VPS26B: variants seen among roughly 807,000 people sequenced by gnomAD.
The protein encoded by VPS26B is VPS26 retromer complex component B, also known as vacuolar protein sorting-associated protein 26B.
VPS26B carries 10 observed loss-of-function variants against 33.3 expected under a neutral mutation model. The observed-to-expected ratio is 0.30, with a 90% CI of 0.19 to 0.51. VPS26B has a LOEUF of 0.51. Ranked by LOEUF, VPS26B falls within the 20% of genes least tolerant of loss-of-function variation. The probability of loss-of-function intolerance (pLI) is 0.98; values close to 1 mark genes in which losing one functional copy is unlikely to be tolerated. For synonymous variants in VPS26B, 190 were observed against 176.9 expected, an observed-to-expected ratio of 1.07 and a Z score of -0.59; for missense variants, 317 against 452.7, an observed-to-expected ratio of 0.70 and a Z score of 2.72.
Position 134,224,850 on chromosome 11 carries a change from C to T in VPS26B, c.-273C>T, listed in dbSNP as rs943486553. 7 of 162,146 alleles carry T rather than the reference C, an allele frequency of 4.3e-5. No individual in the cohort carries two copies. Among genetic ancestry groups the T allele is most frequent in the Non-Finnish European group, 9.3e-5 (7 of 75,004 alleles). The allele number at this position is 162,146 out of a possible 1,614,324, so 10.0% of individuals were successfully genotyped here. ...CCACTGCCACCGGCCGCGGGACTGGCTGGGACTGGCTCGGCCGAGGGCACT... is the reference window on the plus strand; with the variant it reads ...CCACTGCCACCGGCCGCGGGACTGGTTGGGACTGGCTCGGCCGAGGGCACT... On this transcript the variant is annotated 5_prime_UTR_variant, in exon 1 of 6. Coordinates refer to ENST00000281187, the MANE Select transcript of VPS26B (RefSeq NM_052875.5).
At position 134,229,152 on chromosome 11, in the gene VPS26B, C is replaced by T. The variant is rs552092230; in HGVS notation, c.223+3807C>T. 1.8e-4 allele frequency among the ~76,000 whole-genome samples: 27 copies of T among 152,296 alleles called. No homozygotes were observed. The East Asian group carries it at 3.5e-3, about 20-fold the overall frequency. On this transcript the variant is annotated intron_variant, in intron 1 of 5. Transcript: ENST00000281187. ...TCAAGCAATCCTCCCATCTCTGCCT[C>T]CCAAGTAGCTGAGACTACAGGTGCA... is the stretch of plus-strand genomic sequence containing the variant.
Position 134,244,981 on chromosome 11 carries a change from C to T in VPS26B, c.765C>T (p.Leu255=). The T allele has an allele frequency of 6.2e-7, 1 of 1,614,090 alleles. No individual in the cohort carries two copies. Among genetic ancestry groups the T allele is most frequent in the Non-Finnish European group, 8.5e-7 (1 of 1,180,032 alleles). Residue 255 remains leucine (L), a synonymous_variant, in exon 5 of 6, where the codon CTC becomes CTT. Transcript: ENST00000281187. This position sits in a 1 kb window ranked among gnomAD's most constrained non-coding sequence, Gnocchi z 4.0. ...PIRLFLAGYE[L]TPTMRDINKK... ...GGCTCTTCCTGGCCGGGTATGAGCT[C>T]ACGCCCACCATGCGGGACATCAACA...
At chr11:134,235,215 G>A in intron 2 of VPS26B, 162 bp downstream of exon 2, 1 of 871,190 alleles carries the variant, frequency 1.1e-6, no homozygotes, top group South Asian at 1.8e-5. Context: ...GGCCTTCTAG[G>A]AGGAAAGTGG....
intron 3 of VPS26B, 108 bp from the exon 4 acceptor site, chr11:134,243,011 A>C: frequency 2.8e-6 from 3 of 1,090,488 alleles, no homozygotes; most frequent in Non-Finnish European, 4.1e-6. Context: ...TGTGTCCTGC[A>C]ACTGGACGTT....
intron 4 of VPS26B, 163 bp downstream of exon 4, chr11:134,243,457 A>AG (rs1256989100): frequency 2.4e-6 from 2 of 819,302 alleles, no homozygotes; most frequent in Non-Finnish European, 3.7e-6. Flanking sequence ...AAGGAAGAAA[A>AG]GGAAGGCTGA....
chr11:134,226,979 TTC>T (rs1173654751), intron 1 of VPS26B, among the ~76,000 whole-genome samples: 3 of 152,162 alleles, frequency 2.0e-5, no homozygotes, highest in Non-Finnish European at 4.4e-5. Context: ...GAAGAGTGAG[TTC>T]CATGCCTTCT....
intron 1 of VPS26B, among the ~76,000 whole-genome samples, chr11:134,232,197 GA>G (rs71479597): frequency 0.56 from 84,938 of 151,944 alleles, 26,609 homozygotes; most frequent in South Asian, 0.74. Flanking sequence ...TGATTGGGAA[GA>G]ATGAAAGATG....
chr11:134,225,028 G>A lies in VPS26B; in HGVS notation c.-95G>A, dbSNP rs923497080. On this transcript the variant is annotated 5_prime_UTR_variant, in exon 1 of 6. Coordinates refer to ENST00000281187, the MANE Select transcript of VPS26B (RefSeq NM_052875.5). The stretch of plus-strand genomic sequence containing the variant: ...AGCCCCGCGGCGGCCGAGCGCGCTC[G>A]CGCATCGGGCCCTCTGGCCTTCTTT... 48 of 1,198,472 alleles carry A rather than the reference G, an allele frequency of 4.0e-5. No individual in the cohort carries two copies. Among genetic ancestry groups the A allele is most frequent in the Non-Finnish European group, 5.1e-5 (47 of 922,358 alleles). The allele number at this position is 1,198,472 out of a possible 1,614,324, so 74.2% of individuals were successfully genotyped here. A position where few individuals can be genotyped will look rare whatever the true frequency, so the allele number is the denominator to read the frequency against.
At position 134,243,383 on chromosome 11, in the gene VPS26B, C is replaced by G. The variant is rs1012190562; in HGVS notation, c.721+89C>G. 87 of 1,446,482 alleles carry G rather than the reference C, an allele frequency of 6.0e-5. No individual in the cohort carries two copies. The South Asian group carries it at 6.7e-4, about 11-fold the overall frequency. 89.6% of individuals were successfully genotyped at this position (1,446,482 alleles called of 1,614,324 possible). A position where few individuals can be genotyped will look rare whatever the true frequency, so the allele number is the denominator to read the frequency against. On this transcript the variant is annotated intron_variant, in intron 4 of 5. Transcript: ENST00000281187. The stretch of plus-strand genomic sequence containing the variant: ...GGAGGGGCTTGAGGGATTACACTGT[C>G]AAAATAAGATGTCCTCTTAACCTGT...
At chr11:134,229,258 A>T (rs1938523778) in intron 1 of VPS26B, among the ~76,000 whole-genome samples, 1 of 152,116 alleles carries the variant, frequency 6.6e-6, no homozygotes. Context: ...CTGGAACTCA[A>T]GCGATCCTCC....
Position 134,239,976 on chromosome 11 carries a change from T to C in VPS26B, c.381-15T>C. 6.2e-7 allele frequency: 1 copy of C among 1,614,018 alleles called. No homozygotes were observed. Among genetic ancestry groups the C allele is most frequent in the Non-Finnish European group, 8.5e-7 (1 of 1,179,972 alleles). On this transcript the variant is annotated splice_polypyrimidine_tract_variant and intron_variant, in intron 2 of 5. Coordinates refer to ENST00000281187, the MANE Select transcript of VPS26B (RefSeq NM_052875.5). Reference sequence around the variant, plus strand: ...GACTGGGAGTGTTTATTCATGACAGTTCCGTCTCCTACAGCTATTTCCTTC... The same window carrying C: ...GACTGGGAGTGTTTATTCATGACAGCTCCGTCTCCTACAGCTATTTCCTTC...
At chr11:134,225,944 A>G (rs1365771044) in intron 1 of VPS26B, among the ~76,000 whole-genome samples, 2 of 152,238 alleles carry the variant, frequency 1.3e-5, no homozygotes, top group African/African-American at 2.4e-5. Context: ...CATAATCTTC[A>G]GTCTAAATCT....
chr11:134,229,198 T>G (rs1005942874), intron 1 of VPS26B, among the ~76,000 whole-genome samples: 1 of 152,058 alleles, frequency 6.6e-6, no homozygotes, highest in African/African-American at 2.4e-5. Flanking sequence ...CCCAGCTAAT[T>G]TTTTAAATTT....
chr11:134,229,372 G>A (rs1377748754), intron 1 of VPS26B, among the ~76,000 whole-genome samples: 3 of 151,920 alleles, frequency 2.0e-5, no homozygotes, highest in Non-Finnish European at 4.4e-5. Context: ...GTTCTGACCC[G>A]ACCTCTCTTC....
chr11:134,225,476 A>G, intron 1 of VPS26B, 131 bp downstream of exon 1: 1 of 921,862 alleles, frequency 1.1e-6, no homozygotes, highest in Non-Finnish European at 1.7e-6. Flanking sequence ...CCTGGGGTTC[A>G]GCTACAAGTC....
In VPS26B at chr11:134,243,225, G is replaced by A; in HGVS notation, c.652G>A (p.Gly218Ser). ...CATCAAGCGAGAAACGACGGGTACA[G>A]GCCCCAACGTGTACCATGAGAATGA... ...DIIKRETTGTGPNVYHENDTI... is the reference protein window; with the variant it reads ...DIIKRETTGTSPNVYHENDTI... The change falls in exon 4 of 6, where the codon GGC becomes AGC. Residue 218 changes from glycine (G) to serine (S), a missense_variant. Transcript: ENST00000281187. 1 of 1,614,166 alleles carries A rather than the reference G, an allele frequency of 6.2e-7. No homozygotes were observed. The highest frequency in any genetic ancestry group is 8.5e-7 in the Non-Finnish European group (1 of 1,180,026).
chr11:134,227,812 A>G (rs1331135109), intron 1 of VPS26B, among the ~76,000 whole-genome samples: 165 of 152,318 alleles, frequency 1.1e-3, no homozygotes, highest in African/African-American at 3.9e-3. Flanking sequence ...CCTTTATAAA[A>G]TTATGGTAGT....
chr11:134,244,868 C>CA lies in VPS26B; in HGVS notation c.722-69dup. 1 of 1,558,998 alleles carries CA rather than the reference C, an allele frequency of 6.4e-7. No homozygotes were observed. The highest frequency in any genetic ancestry group is 8.6e-7 in the Non-Finnish European group (1 of 1,157,568). ...ACTCCAGTGGCATCTCTGCAGTGGT[C>CA]AGAGTGACCTGGTATAAGGGAGAGG... On this transcript the variant is annotated intron_variant, in intron 4 of 5. Transcript: ENST00000281187. The surrounding 1 kb of genome is among the most constrained non-coding windows in gnomAD (Gnocchi z 4.0).
rs1228565571 is a variant in VPS26B at position 134,240,786 on chromosome 11, TGTGTGTCC to T, written c.545+638_545+645del. ...GCTAATTTGTGTCCGTGTGTGTGTG[TGTGTGTCC>T]GTGTGTGTGTGTGTGTGTGTGTGTG... On this transcript the variant is annotated intron_variant, in intron 3 of 5. Transcript: ENST00000281187. This position sits in a 1 kb window ranked among gnomAD's most constrained non-coding sequence, Gnocchi z 4.4. 8.6e-6 allele frequency among the ~76,000 whole-genome samples: 1 copy of T among 116,136 alleles called. No individual in the cohort carries two copies. Among genetic ancestry groups the T allele is most frequent in the African/African-American group, 3.3e-5 (1 of 29,982 alleles). The allele number at this position is 116,136 out of a possible 152,430, so 76.2% of individuals were successfully genotyped here.
Sources: allele counts gnomAD v4.1 joint callset (sites outside exome capture counted in the v4.1 genomes callset), GRCh38; gene constraint gnomAD v4.1.1; non-coding constraint Gnocchi (gnomAD v3.1); transcripts MANE v1.5; gene names NCBI Gene and HGNC (gene_info 2026-07-23, HGNC 2026-07-21).